The following ITGA11 variants were observed in gnomAD, a reference collection of about 807,000 sequenced individuals.
ITGA11 encodes the protein integrin subunit alpha 11, also known as integrin alpha-11.
A neutral mutation model predicts 141.9 loss-of-function variants in ITGA11; 97 were observed. The ratio of observed to expected loss-of-function variants is 0.68; its 90% CI spans 0.58 to 0.81. The LOEUF (loss-of-function observed/expected upper bound fraction) is 0.81, where lower values mean the gene tolerates loss of function less well. ITGA11 is among the 30% of genes least tolerant of loss of function. ITGA11 has a pLI of 0.00. For missense variants in ITGA11, 1,387 were observed against 1,559.2 expected (o/e 0.89, Z 1.86); for synonymous variants, 658 against 624.6 (o/e 1.05, Z -0.80).
chr15:68,330,946 A>G, intron 15 of ITGA11, 35 bp downstream of exon 15: 2 of 1,612,214 alleles, frequency 1.2e-6, no homozygotes, highest in East Asian at 2.2e-5. Flanking sequence ...GACTTTCAGG[A>G]GAGCCCAGGA....
intron 11 of ITGA11, among the ~76,000 whole-genome samples, chr15:68,337,700 T>C (rs184956337): frequency 6.6e-6 from 1 of 151,670 alleles, no homozygotes; most frequent in African/African-American, 2.4e-5. Flanking sequence ...CCTGCTGAGC[T>C]CTCACTCAGA....
rs529760823 is a variant in ITGA11 at position 68,299,539 on chromosome 15, T to C, written c.*3520A>G. 6.6e-6 allele frequency: 1 copy of C among 151,750 alleles called. No homozygotes were observed. Among genetic ancestry groups the C allele is most frequent in the African/African-American group, 2.4e-5 (1 of 41,376 alleles). The allele number at this position is 151,750 out of a possible 1,614,324, so 9.4% of individuals were successfully genotyped here. On this transcript the variant is annotated 3_prime_UTR_variant, in exon 30 of 30. Transcript: ENST00000315757. ...AAAAACAGGGGACCATTCATACTAA[T>C]GGCTGTATTTAAGTCACCCAAGGCA...
chr15:68,349,790 T>C (rs1310954709), intron 9 of ITGA11, among the ~76,000 whole-genome samples: 1 of 152,218 alleles, frequency 6.6e-6, no homozygotes, highest in Non-Finnish European at 1.5e-5. Flanking sequence ...TCTGAAGGAC[T>C]CTGCCCAAAA....
chr15:68,381,648 C>T (rs1286337127), intron 2 of ITGA11, among the ~76,000 whole-genome samples: 3 of 152,018 alleles, frequency 2.0e-5, no homozygotes, highest in Admixed American at 6.5e-5. Context: ...CTCCACCTCC[C>T]GGGCTCAAGC....
intron 20 of ITGA11, among the ~76,000 whole-genome samples, chr15:68,318,919 C>T (rs1893694198): frequency 6.6e-6 from 1 of 152,352 alleles, no homozygotes; most frequent in East Asian, 1.9e-4. Context: ...GTTTACTCAA[C>T]AAACTTGTCT....
chr15:68,375,893 C>T (rs1201171048), intron 2 of ITGA11, among the ~76,000 whole-genome samples: 1 of 152,150 alleles, frequency 6.6e-6, no homozygotes, highest in East Asian at 1.9e-4. Context: ...AAGCAAATCA[C>T]CCTTCCTAAT....
At chr15:68,339,465 C>T (rs574665736) in intron 11 of ITGA11, 35 bp downstream of exon 11, 26 of 1,588,848 alleles carry the variant, frequency 1.6e-5, no homozygotes, top group Middle Eastern at 1.7e-4. Context: ...TCCCGGCCCA[C>T]GACCCGCCAG....
intron 1 of ITGA11, among the ~76,000 whole-genome samples, chr15:68,429,631 C>A (rs1210778103): frequency 6.6e-6 from 1 of 152,168 alleles, no homozygotes; most frequent in Non-Finnish European, 1.5e-5. Context: ...CCTGGTAATC[C>A]TCACATTGAA....
At chr15:68,395,466 G>A (rs1595889443) in intron 2 of ITGA11, among the ~76,000 whole-genome samples, 3 of 151,616 alleles carry the variant, frequency 2.0e-5, no homozygotes, top group Admixed American at 2.0e-4. Flanking sequence ...AGAATAAACA[G>A]TGTAGAGAAG....
chr15:68,312,041 C>T (rs771677850), intron 24 of ITGA11, among the ~76,000 whole-genome samples: 30 of 152,220 alleles, frequency 2.0e-4, no homozygotes, highest in Non-Finnish European at 3.7e-4. Flanking sequence ...CAGCTGTCAG[C>T]TTGCCCTCAG....
At position 68,307,659 on chromosome 15, in the gene ITGA11, T is replaced by C. The variant is rs376106078; in HGVS notation, c.3212A>G (p.Asn1071Ser). 8.7e-6 allele frequency: 14 copies of C among 1,613,806 alleles called. No homozygotes were observed. Among genetic ancestry groups the C allele is most frequent in the Non-Finnish European group, 1.2e-5 (14 of 1,179,854 alleles). ...TTCCTGGTTGGGGACCAGCCGTATA[T>C]TGCAGTTGATGGAGACGACATCAGA... ...SNSDVVSINC[N>S]IRLVPNQEIN... is the part of the protein sequence containing the mutation. Residue 1071 changes from asparagine to serine, a missense_variant, in exon 27 of 30, where the codon AAT becomes AGT. Transcript: ENST00000315757. The surrounding 1 kb of genome is among the most constrained non-coding windows in gnomAD (Gnocchi z 6.1).
intron 1 of ITGA11, among the ~76,000 whole-genome samples, chr15:68,421,645 T>G: frequency 8.1e-6 from 1 of 123,698 alleles, no homozygotes; most frequent in Non-Finnish European, 1.6e-5. Context: ...CTGAGCAGAG[T>G]GGGGAAGATA....
chr15:68,393,592 T>C (rs890222257), intron 2 of ITGA11, among the ~76,000 whole-genome samples: 1 of 152,114 alleles, frequency 6.6e-6, no homozygotes, highest in African/African-American at 2.4e-5. Context: ...AAAAACTAGA[T>C]AAGAAATACT....
intron 8 of ITGA11, 53 bp from the exon 9 acceptor site, chr15:68,350,835 C>T (rs1371839675): frequency 6.4e-7 from 1 of 1,564,322 alleles, no homozygotes; most frequent in Non-Finnish European, 8.7e-7. Flanking sequence ...ACAGACTTTC[C>T]CATACACCAC....
chr15:68,408,745 G>T (rs140125481), intron 1 of ITGA11, among the ~76,000 whole-genome samples: 1,704 of 152,248 alleles, frequency 0.011, 17 homozygotes, highest in Non-Finnish European at 0.018. Flanking sequence ...GAAAAGAAGA[G>T]AACAGCCTAC....
intron 19 of ITGA11, 41 bp from the exon 20 acceptor site, chr15:68,320,433 A>G (rs572945986): frequency 6.6e-7 from 1 of 1,525,374 alleles, no homozygotes; most frequent in African/African-American, 1.4e-5. Context: ...AGATGGAATG[A>G]GGAAAGCAGG....
At chr15:68,364,663 A>AG in intron 4 of ITGA11, 44 bp downstream of exon 4, 1 of 671,916 alleles carries the variant, frequency 1.5e-6, no homozygotes, top group Non-Finnish European at 2.6e-6. Context: ...CCCCACCCCC[A>AG]CCCCTGCCTC....
chr15:68,404,282 A>G (rs11630897), intron 1 of ITGA11, among the ~76,000 whole-genome samples: 59,157 of 151,740 alleles, frequency 0.39, 12,461 homozygotes, highest in African/African-American at 0.55. Context: ...GAACCAGTTG[A>G]CAAAGCTCCG....
At chr15:68,397,206 T>A in intron 2 of ITGA11, among the ~76,000 whole-genome samples, 27 of 32 alleles carry the variant, frequency 0.84, 13 homozygotes, top group Admixed American at 1. Flanking sequence ...ATATTATATA[T>A]TATATAATAT....
Sources: allele counts gnomAD v4.1 joint callset (sites outside exome capture counted in the v4.1 genomes callset), GRCh38; gene constraint gnomAD v4.1.1; non-coding constraint Gnocchi (gnomAD v3.1); transcripts MANE v1.5; gene names NCBI Gene and HGNC (gene_info 2026-07-23, HGNC 2026-07-21).